CTNNA2: variants seen among roughly 807,000 people sequenced by gnomAD.
CTNNA2 encodes the protein catenin alpha 2.
CTNNA2 carries 42 observed loss-of-function variants against 101.0 expected under a neutral mutation model. That is an observed-to-expected ratio of 0.42 (90% confidence interval 0.32 to 0.54). The LOEUF is 0.54. Among genes scored for constraint, CTNNA2 ranks in the 20% least tolerant of loss-of-function variants. The pLI is 0.14. For synonymous variants in CTNNA2, 450 were observed against 456.4 expected (o/e 0.99, Z 0.18); for missense variants, 871 against 1,223.1 (o/e 0.71, Z 4.29).
intron 3 of CTNNA2, among the ~76,000 whole-genome samples, chr2:79,750,445 T>C (rs1482398615): frequency 1.3e-5 from 2 of 152,238 alleles, no homozygotes; most frequent in Non-Finnish European, 2.9e-5. Flanking sequence ...CTAATCCCTT[T>C]CTTGCTTATC....
At chr2:80,133,241 G>A (rs1292051715) in intron 7 of CTNNA2, among the ~76,000 whole-genome samples, 3 of 152,100 alleles carry the variant, frequency 2.0e-5, no homozygotes, top group Non-Finnish European at 4.4e-5. Flanking sequence ...TACCTGAGCT[G>A]GAAGAGGCGA....
At chr2:80,436,709 C>A (rs1366385381) in intron 9 of CTNNA2, among the ~76,000 whole-genome samples, 1 of 152,098 alleles carries the variant, frequency 6.6e-6, no homozygotes, top group African/African-American at 2.4e-5. Context: ...TTGCTCTCTG[C>A]TTCAAAGATG....
intron 4 of CTNNA2, among the ~76,000 whole-genome samples, chr2:79,868,347 C>G (rs1446112028): frequency 6.6e-6 from 1 of 152,108 alleles, no homozygotes; most frequent in Non-Finnish European, 1.5e-5. Flanking sequence ...TTCCAAATAA[C>G]TTCCTTTGCT....
chr2:79,742,477 G>T (rs1287332348), intron 2 of CTNNA2, among the ~76,000 whole-genome samples: 2 of 152,176 alleles, frequency 1.3e-5, no homozygotes, highest in Non-Finnish European at 2.9e-5. Flanking sequence ...TGGTAGAGAT[G>T]GTTGCTGTGT....
intron 18 of CTNNA2, among the ~76,000 whole-genome samples, chr2:80,646,922 TAAC>T (rs1452869440): frequency 2.6e-5 from 4 of 152,226 alleles, no homozygotes; most frequent in East Asian, 1.9e-4. Context: ...ATAGAGTTGT[TAAC>T]AAGAGCTAAG....
At chr2:79,823,968 T>C (rs1055362151) in intron 3 of CTNNA2, among the ~76,000 whole-genome samples, 18 of 151,966 alleles carry the variant, frequency 1.2e-4, no homozygotes, top group Middle Eastern at 3.4e-3. Context: ...CAGTGCTAAA[T>C]GCAAGGACCT....
At chr2:79,862,667 T>C (rs886377340) in intron 4 of CTNNA2, among the ~76,000 whole-genome samples, 17 of 152,206 alleles carry the variant, frequency 1.1e-4, no homozygotes, top group African/African-American at 3.9e-4. Context: ...GCTGACCATA[T>C]GCAAAACACT....
At chr2:80,171,974 G>T (rs1705089532) in intron 7 of CTNNA2, among the ~76,000 whole-genome samples, 1 of 152,148 alleles carries the variant, frequency 6.6e-6, no homozygotes, top group Non-Finnish European at 1.5e-5. Context: ...AGAACACTTT[G>T]GTTACAAATA....
chr2:79,745,394 G>C (rs987841539), intron 3 of CTNNA2, among the ~76,000 whole-genome samples: 1 of 151,694 alleles, frequency 6.6e-6, no homozygotes, highest in Non-Finnish European at 1.5e-5. Context: ...TCGCGCCGCT[G>C]CACTCCAGCC....
intron 7 of CTNNA2, among the ~76,000 whole-genome samples, chr2:80,184,385 T>C (rs1228019503): frequency 6.6e-6 from 1 of 152,178 alleles, no homozygotes; most frequent in Non-Finnish European, 1.5e-5. Context: ...ACCATCACAG[T>C]GCTTAGGGCT....
intron 7 of CTNNA2, among the ~76,000 whole-genome samples, chr2:80,069,755 T>A (rs116609148): frequency 6.6e-6 from 1 of 152,186 alleles, no homozygotes. Flanking sequence ...GAAATACTCA[T>A]GTCAGTGACA....
chr2:80,612,054 T>G (rs1191191236), intron 17 of CTNNA2, among the ~76,000 whole-genome samples: 1 of 151,614 alleles, frequency 6.6e-6, no homozygotes, highest in Non-Finnish European at 1.5e-5. Flanking sequence ...AATGGATTAC[T>G]GACCTATTCC....
At chr2:79,930,233 A>G (rs1444670982) in intron 7 of CTNNA2, among the ~76,000 whole-genome samples, 3 of 148,104 alleles carry the variant, frequency 2.0e-5, no homozygotes, top group Non-Finnish European at 4.4e-5. Flanking sequence ...ACAGAGCGAG[A>G]CTCTGTCTCA....
chr2:80,531,911 ATCT>A (rs1048411375), intron 9 of CTNNA2, among the ~76,000 whole-genome samples: 23 of 152,194 alleles, frequency 1.5e-4, no homozygotes, highest in South Asian at 4.1e-4. Flanking sequence ...GGGGTTGGCA[ATCT>A]TCTTCTGTAA....
chr2:80,366,931 C>T (rs781596520), intron 7 of CTNNA2, among the ~76,000 whole-genome samples: 5 of 151,762 alleles, frequency 3.3e-5, no homozygotes, highest in African/African-American at 4.8e-5. Context: ...TCCATTGGTT[C>T]CATCCAGAAA....
intron 4 of CTNNA2, among the ~76,000 whole-genome samples, chr2:79,496,342 A>G (rs1671255642): frequency 6.6e-6 from 1 of 152,172 alleles, no homozygotes; most frequent in Admixed American, 6.5e-5. Flanking sequence ...TCTACATGCA[A>G]TTAAAATGTA....
At chr2:80,384,407 G>A (rs1290545941) in intron 7 of CTNNA2, among the ~76,000 whole-genome samples, 13 of 147,542 alleles carry the variant, frequency 8.8e-5, no homozygotes, top group Middle Eastern at 3.2e-3. Flanking sequence ...GTGTATCCCC[G>A]AACCTCAAAG....
At chr2:79,632,349 G>A (rs1679747447) in intron 1 of CTNNA2, among the ~76,000 whole-genome samples, 1 of 152,038 alleles carries the variant, frequency 6.6e-6, no homozygotes, top group African/African-American at 2.4e-5. Flanking sequence ...ACAGAACTTG[G>A]AATATTCAGT....
At chr2:79,318,107 T>TA (rs1185711817) in intron 3 of CTNNA2, among the ~76,000 whole-genome samples, 3 of 151,920 alleles carry the variant, frequency 2.0e-5, no homozygotes, top group Non-Finnish European at 4.4e-5. Flanking sequence ...TATGTTTTTG[T>TA]AAAAAAAATT....
Sources: gnomAD v4.1 joint callset for allele counts (sites outside exome capture counted in the v4.1 genomes callset) on GRCh38, gnomAD v4.1.1 for gene constraint, MANE v1.5 for transcripts, NCBI Gene and HGNC (gene_info 2026-07-23, HGNC 2026-07-21) for gene names.